Variants in ZNF587 observed in about 807,000 individuals in gnomAD.
ZNF587 encodes zinc finger protein zfp6.
Under a neutral mutation model 7.5 loss-of-function variants are expected in ZNF587, and 8 were observed. The observed-to-expected ratio is 1.06, with a 90% CI of 0.62 to 1.92. ZNF587 has a LOEUF of 1.92. ZNF587 is among the 40% of genes most tolerant of loss of function. The pLI, the probability that ZNF587 is intolerant of heterozygous loss-of-function variation, is 0.00. For synonymous variants in ZNF587, 145 were observed against 237.8 expected, an observed-to-expected ratio of 0.61 and a Z score of 3.59; for missense variants, 468 against 692.8, an observed-to-expected ratio of 0.68 and a Z score of 3.64.
chr19:57,855,868 G>C (rs780114821), intron 1 of ZNF587: 18 of 610,194 alleles, frequency 2.9e-5, no homozygotes, highest in Non-Finnish European at 4.8e-5. Flanking sequence ...GCCCAGAAGG[G>C]AGTGGACCTT....
intron 1 of ZNF587, chr19:57,850,400 G>T (rs373779032): frequency 1.7e-6 from 1 of 574,112 alleles, no homozygotes. Flanking sequence ...TGGCGGGTAG[G>T]GGCTTGGGAA....
In ZNF587 at chr19:57,860,402, G is replaced by A; in HGVS notation, c.*262G>A. 1.8e-6 allele frequency: 1 copy of A among 570,880 alleles called. No individual in the cohort carries two copies. The highest frequency in any genetic ancestry group is 3.1e-5 in the Admixed American group (1 of 31,854). 35.4% of individuals were successfully genotyped at this position (570,880 alleles called of 1,614,324 possible). A position where few individuals can be genotyped will look rare whatever the true frequency, so the allele number is the denominator to read the frequency against. ...TCCTACCTCAGCCTCCTGAGTAGCTGGGATTATGAGTACACACCACCACGC... is the reference window on the plus strand; with the variant it reads ...TCCTACCTCAGCCTCCTGAGTAGCTAGGATTATGAGTACACACCACCACGC... On this transcript the variant is annotated 3_prime_UTR_variant, in exon 3 of 3. Coordinates refer to ENST00000339656, the MANE Select transcript of ZNF587 (RefSeq NM_032828.4).
chr19:57,862,254 TTG>T lies in ZNF587; in HGVS notation c.*2116_*2117del, dbSNP rs1325626750. On this transcript the variant is annotated 3_prime_UTR_variant, in exon 3 of 3. Transcript: ENST00000339656. Reference sequence around the variant, plus strand: ...CCTTACTATTTCTTTTGTTCCAAGTTTGTACTTCCTCACAGTTCTCACATATG... The same window carrying T: ...CCTTACTATTTCTTTTGTTCCAAGTTTACTTCCTCACAGTTCTCACATATG... 1.3e-5 allele frequency: 2 copies of T among 152,212 alleles called. No homozygotes were observed. The highest frequency in any genetic ancestry group is 2.9e-5 in the Non-Finnish European group (2 of 68,042). The allele number at this position is 152,212 out of a possible 1,614,324, so 9.4% of individuals were successfully genotyped here. A position where few individuals can be genotyped will look rare whatever the true frequency, so the allele number is the denominator to read the frequency against.
intron 2 of ZNF587, chr19:57,858,004 G>A (rs2071385323): frequency 6.5e-6 from 1 of 154,554 alleles, no homozygotes; most frequent in South Asian, 2.0e-4. Context: ...GTTTGTAGAG[G>A]AAGGAGCTGT....
Position 57,863,476 on chromosome 19 carries a change from C to G in ZNF587, c.*3336C>G, listed in dbSNP as rs1490481480. 6.6e-6 allele frequency: 1 copy of G among 152,190 alleles called. No homozygotes were observed. Among genetic ancestry groups the G allele is most frequent in the Non-Finnish European group, 1.5e-5 (1 of 68,148 alleles). 9.4% of individuals were successfully genotyped at this position (152,190 alleles called of 1,614,324 possible). A position where few individuals can be genotyped will look rare whatever the true frequency, so the allele number is the denominator to read the frequency against. ...GTATTTGCCAGGATGGTCTCGATCT[C>G]CAGACCTCGTGATCCGCCCGCCTTA... On this transcript the variant is annotated 3_prime_UTR_variant, in exon 3 of 3. Transcript: ENST00000339656.
rs757594710 is a variant in ZNF587 at position 57,860,057 on chromosome 19, G to A, written c.1645G>A (p.Glu549Lys). Residue 549 changes from glutamate (E) to lysine (K), a missense_variant, in exon 3 of 3, where the codon GAA becomes AAA. Glu to Lys is a moderately conservative substitution (Grantham distance 56). This residue lies in a region of ZNF587 where 310 missense variants were observed against 325.6 expected (regional missense o/e 0.95). Transcript: ENST00000339656. ...RRIHTGERPYECTKCGKTFQR... is the reference protein window; with the variant it reads ...RRIHTGERPYKCTKCGKTFQR... ...AATTCACACTGGAGAAAGGCCTTATGAATGCACCAAATGTGGAAAAACATT... is the reference window on the plus strand; with the variant it reads ...AATTCACACTGGAGAAAGGCCTTATAAATGCACCAAATGTGGAAAAACATT... 5 of 1,613,508 alleles carry A rather than the reference G, an allele frequency of 3.1e-6. No individual in the cohort carries two copies. In the Middle Eastern group the frequency reaches 4.9e-4, roughly 160 times the overall value.
intron 1 of ZNF587, chr19:57,850,801 C>A: frequency 2.6e-6 from 1 of 379,896 alleles, no homozygotes; most frequent in African/African-American, 2.1e-5. Flanking sequence ...GGGGAGGAAG[C>A]GATCAGGAAA....
chr19:57,860,340 C>T lies in ZNF587; in HGVS notation c.*200C>T, dbSNP rs867116937. The T allele has an allele frequency of 1.7e-5, 17 of 998,168 alleles. No individual in the cohort carries two copies. The Middle Eastern group carries it at 1.3e-3, about 77-fold the overall frequency. The allele number at this position is 998,168 out of a possible 1,614,324, so 61.8% of individuals were successfully genotyped here. On this transcript the variant is annotated 3_prime_UTR_variant, in exon 3 of 3. Transcript: ENST00000339656. ...CTGGAGTGCAGTGGTGCAGTCTTGG[C>T]TCGCTGCAACTTGGGCCTCCTGGGT... is the stretch of plus-strand genomic sequence containing the variant.
rs2071403261 is a variant in ZNF587, at chr19:57,859,085, C to T, written c.673C>T (p.His225Tyr). 4 of 1,611,296 alleles carry T rather than the reference C, an allele frequency of 2.5e-6. No homozygotes were observed. The East Asian group carries it at 6.7e-5, about 27-fold the overall frequency. Residue 225 changes from histidine (H) to tyrosine (Y), a missense_variant, in exon 3 of 3, where the codon CAC becomes TAC. His to Tyr is a moderately conservative substitution (Grantham distance 83). Transcript: ENST00000339656. Reference protein sequence around the residue: ...GKRTKAFSTKHSVIPHQKLFT... With the variant: ...GKRTKAFSTKYSVIPHQKLFT... ...ACGCACAAAAGCCTTCAGCACCAAA[C>T]ACTCAGTTATTCCACACCAGAAACT... is the stretch of plus-strand genomic sequence containing the variant.
chr19:57,852,580 G>A (rs1229761631), intron 1 of ZNF587, among the ~76,000 whole-genome samples: 1 of 143,520 alleles, frequency 7.0e-6, no homozygotes, highest in African/African-American at 2.9e-5. Context: ...AGGCTGGAGT[G>A]CAATGGCGCA....
chr19:57,857,299 AAT>A (rs2071370176), intron 2 of ZNF587: 1 of 152,136 alleles, frequency 6.6e-6, no homozygotes, highest in African/African-American at 2.4e-5. Context: ...TTTTTGGGGC[AAT>A]ATGAGTAGGC....
chr19:57,852,322 C>G (rs2071291199), intron 1 of ZNF587: 1 of 398,418 alleles, frequency 2.5e-6, no homozygotes, highest in Non-Finnish European at 4.4e-6. Flanking sequence ...GGATCAAAGT[C>G]AGGAGGTGAT....
chr19:57,850,149 C>A (rs760425658), intron 1 of ZNF587, 78 bp downstream of exon 1: 1 of 1,612,796 alleles, frequency 6.2e-7, no homozygotes, highest in African/African-American at 1.3e-5. Context: ...GCGGCTCCTG[C>A]TCGTGGGTCT....
intron 1 of ZNF587, 42 bp downstream of exon 1, chr19:57,850,113 C>T (rs1373624466): frequency 1.9e-6 from 3 of 1,614,222 alleles, no homozygotes; most frequent in African/African-American, 2.7e-5. Flanking sequence ...ACCCCATCGT[C>T]ACCCAGGTCC....
Position 57,864,804 on chromosome 19 carries a change from A to G in ZNF587, c.*4664A>G, listed in dbSNP as rs1217868394. ...AAATTTTTTTTTATTACACCAAATT[A>G]TGTTCACACAAAACCTTTGTAATCA... is the stretch of plus-strand genomic sequence containing the variant. On this transcript the variant is annotated 3_prime_UTR_variant, in exon 3 of 3. Transcript: ENST00000339656. 6.6e-6 allele frequency: 1 copy of G among 152,126 alleles called. No homozygotes were observed. Among genetic ancestry groups the G allele is most frequent in the Non-Finnish European group, 1.5e-5 (1 of 68,026 alleles). The allele number at this position is 152,126 out of a possible 1,614,324, so 9.4% of individuals were successfully genotyped here.
At chr19:57,858,532 C>T (rs377001966) in intron 2 of ZNF587, 44 bp from the exon 3 acceptor site, 194 of 1,580,940 alleles carry the variant, frequency 1.2e-4, no homozygotes, top group Non-Finnish European at 1.6e-4. Context: ...TGTGCCTTCC[C>T]GCCGGAGGTA....
intron 1 of ZNF587, among the ~76,000 whole-genome samples, chr19:57,854,806 C>G (rs1200830930): frequency 6.6e-6 from 1 of 151,836 alleles, no homozygotes; most frequent in African/African-American, 2.4e-5. Context: ...TTTCAGAGGC[C>G]AAGGCTGGTG....
intron 1 of ZNF587, chr19:57,855,878 T>G: frequency 4.4e-6 from 3 of 682,354 alleles, no homozygotes; most frequent in South Asian, 2.2e-5. Context: ...GAGTGGACCT[T>G]TTTATGTCAG....
rs961814186 is a variant in ZNF587, at chr19:57,850,363, C to G, written c.33+292C>G. 4.8e-4 allele frequency: 288 copies of G among 596,402 alleles called. 2 individuals are homozygous for G. The highest frequency in any genetic ancestry group is 2.9e-4 in the Non-Finnish European group (98 of 343,308). The allele number at this position is 596,402 out of a possible 1,614,324, so 36.9% of individuals were successfully genotyped here. ...TATTATTCAAATCAGTCTCCCTGAG[C>G]ATTCTGGGATCAGAGTTTTCAAAAT... On this transcript the variant is annotated intron_variant, in intron 1 of 2. Coordinates refer to ENST00000339656, the MANE Select transcript of ZNF587 (RefSeq NM_032828.4).
Sources: gnomAD v4.1 joint callset for allele counts (sites outside exome capture counted in the v4.1 genomes callset) on GRCh38, gnomAD v4.1.1 for gene constraint, gnomAD v4.1.1 regional missense constraint, MANE v1.5 for transcripts, NCBI Gene and HGNC (gene_info 2026-07-23, HGNC 2026-07-21) for gene names.